The following CSMD1 variants were observed in gnomAD, a reference collection of about 807,000 sequenced individuals.
The protein encoded by CSMD1 is CUB and sushi domain-containing protein 1.
CSMD1 carries 213 observed loss-of-function variants against 417.5 expected under a neutral mutation model. The ratio of observed to expected loss-of-function variants is 0.51; its 90% confidence interval spans 0.46 to 0.57. The LOEUF is 0.57. Among genes scored for constraint, CSMD1 ranks in the 20% least tolerant of loss-of-function variants. The pLI is 0.00. For missense variants in CSMD1, 6,923 were observed against 4,529.7 expected (o/e 1.53, Z -15.17); for synonymous variants, 2,862 against 1,736.8 (o/e 1.65, Z -16.11).
chr8:3,316,163 C>T (rs1448370349), intron 23 of CSMD1, among the ~76,000 whole-genome samples: 1 of 152,130 alleles, frequency 6.6e-6, no homozygotes, highest in African/African-American at 2.4e-5. Context: ...TAAATACATC[C>T]AGTTGGCAAA....
intron 2 of CSMD1, among the ~76,000 whole-genome samples, chr8:4,421,352 T>C (rs1725127): frequency 2.0e-5 from 3 of 152,176 alleles, no homozygotes; most frequent in African/African-American, 7.2e-5. Flanking sequence ...ATATTTATAG[T>C]ACACTTTACC....
intron 5 of CSMD1, among the ~76,000 whole-genome samples, chr8:3,890,546 C>T (rs986573144): frequency 2.0e-5 from 3 of 151,878 alleles, no homozygotes; most frequent in Non-Finnish European, 4.4e-5. Flanking sequence ...CTCTATCTCT[C>T]AAAGGACAAA....
At chr8:4,263,791 G>A (rs926398399) in intron 3 of CSMD1, among the ~76,000 whole-genome samples, 1 of 152,160 alleles carries the variant, frequency 6.6e-6, no homozygotes, top group Non-Finnish European at 1.5e-5. Flanking sequence ...CTCCAATTGT[G>A]ACTGGCTCAC....
At chr8:4,949,536 A>G (rs1022455122) in intron 1 of CSMD1, among the ~76,000 whole-genome samples, 1 of 152,180 alleles carries the variant, frequency 6.6e-6, no homozygotes, top group Non-Finnish European at 1.5e-5. Flanking sequence ...CAATGTCCAG[A>G]CGTGCTTAGT....
At chr8:3,930,810 TA>T (rs1810088392) in intron 5 of CSMD1, among the ~76,000 whole-genome samples, 1 of 150,744 alleles carries the variant, frequency 6.6e-6, no homozygotes, top group Admixed American at 6.6e-5. Context: ...CAAGATTTCT[TA>T]TAAATTTGCA....
intron 3 of CSMD1, among the ~76,000 whole-genome samples, chr8:4,059,716 A>C (rs1470236415): frequency 6.6e-6 from 1 of 152,190 alleles, no homozygotes; most frequent in Non-Finnish European, 1.5e-5. Flanking sequence ...TTTCCTCGAC[A>C]CCTACACTCT....
intron 26 of CSMD1, among the ~76,000 whole-genome samples, chr8:3,239,531 G>C (rs1474829502): frequency 1.3e-5 from 2 of 152,158 alleles, no homozygotes; most frequent in African/African-American, 2.4e-5. Context: ...GCCAGTCTTG[G>C]GCAGGGGCAA....
intron 1 of CSMD1, among the ~76,000 whole-genome samples, chr8:4,646,229 T>G (rs889243215): frequency 6.6e-6 from 1 of 152,200 alleles, no homozygotes; most frequent in African/African-American, 2.4e-5. Flanking sequence ...ATCTTTTTAT[T>G]ATATTTATTT....
intron 3 of CSMD1, among the ~76,000 whole-genome samples, chr8:4,227,193 G>T (rs910482412): frequency 4.6e-5 from 7 of 152,124 alleles, no homozygotes; most frequent in Non-Finnish European, 8.8e-5. Context: ...GCTGAGGGAC[G>T]TTTAAGTCAA....
At chr8:4,191,240 C>G (rs917994916) in intron 3 of CSMD1, among the ~76,000 whole-genome samples, 1 of 151,878 alleles carries the variant, frequency 6.6e-6, no homozygotes, top group Non-Finnish European at 1.5e-5. Flanking sequence ...ACTAAAAACA[C>G]AAAAAATTAG....
chr8:4,910,380 G>A (rs1250368559), intron 1 of CSMD1, among the ~76,000 whole-genome samples: 7 of 152,110 alleles, frequency 4.6e-5, no homozygotes, highest in Non-Finnish European at 4.4e-5. Flanking sequence ...ACTATAAACT[G>A]GATTGCTTAT....
intron 3 of CSMD1, among the ~76,000 whole-genome samples, chr8:4,231,553 T>G (rs184871251): frequency 6.8e-4 from 103 of 152,250 alleles, no homozygotes; most frequent in Middle Eastern, 3.4e-3. Context: ...GGCTAAGCAA[T>G]GACAACAGTT....
chr8:4,473,395 A>C (rs1154078), intron 2 of CSMD1, among the ~76,000 whole-genome samples: 30 of 152,298 alleles, frequency 2.0e-4, no homozygotes, highest in African/African-American at 7.0e-4. Flanking sequence ...CCCCATTCTC[A>C]TTGTAGGTAG....
intron 2 of CSMD1, among the ~76,000 whole-genome samples, chr8:4,556,445 C>T (rs1258523082): frequency 2.6e-5 from 4 of 152,102 alleles, no homozygotes; most frequent in African/African-American, 9.7e-5. Flanking sequence ...CATATCGCAT[C>T]CACACTGTGC....
intron 3 of CSMD1, among the ~76,000 whole-genome samples, chr8:4,057,891 A>G (rs1244346872): frequency 1.3e-5 from 2 of 152,066 alleles, no homozygotes; most frequent in Non-Finnish European, 2.9e-5. Context: ...CCATTGATCT[A>G]TATCTCTGTT....
chr8:3,089,474 A>G lies in CSMD1; in HGVS notation c.7285+2042T>C, dbSNP rs553925431. On this transcript the variant is annotated intron_variant, in intron 48 of 69. Transcript: ENST00000635120. ...CTCGGATTTCCAATTATGATGATTCATTATATTGCTTTTATGCCTGAATGA... is the reference window on the plus strand; with the variant it reads ...CTCGGATTTCCAATTATGATGATTCGTTATATTGCTTTTATGCCTGAATGA... Among the ~76,000 whole-genome samples the G allele has an allele frequency of 2.6e-5, 4 of 152,340 alleles. No homozygotes were observed. In the South Asian group the frequency reaches 8.3e-4, roughly 32 times the overall value.
chr8:3,986,494 C>T (rs1017369835), intron 5 of CSMD1, among the ~76,000 whole-genome samples: 2 of 152,106 alleles, frequency 1.3e-5, no homozygotes, highest in African/African-American at 4.8e-5. Context: ...CCCTGGCTAC[C>T]AAAAGCAAGA....
chr8:3,463,782 A>G (rs1308386875), intron 12 of CSMD1, among the ~76,000 whole-genome samples: 1 of 152,150 alleles, frequency 6.6e-6, no homozygotes, highest in Non-Finnish European at 1.5e-5. Context: ...CATAACATCA[A>G]TGCTGTCTCA....
intron 5 of CSMD1, among the ~76,000 whole-genome samples, chr8:3,803,355 A>G (rs1008793902): frequency 8.5e-5 from 13 of 152,180 alleles, no homozygotes; most frequent in African/African-American, 3.1e-4. Flanking sequence ...AGACAAGACA[A>G]GACTTGAATG....
Sources: gnomAD v4.1 joint callset for allele counts (sites outside exome capture counted in the v4.1 genomes callset) on GRCh38, gnomAD v4.1.1 for gene constraint, MANE v1.5 for transcripts, NCBI Gene and HGNC (gene_info 2026-07-23, HGNC 2026-07-21) for gene names.